CSGALNACT1: variants seen among roughly 807,000 people sequenced by gnomAD.
CSGALNACT1 encodes beta4GalNAcT-1.
A neutral mutation model predicts 51.0 loss-of-function variants in CSGALNACT1; 52 were observed. The observed-to-expected ratio is 1.02, with a 90% CI of 0.82 to 1.29. The LOEUF (loss-of-function observed/expected upper bound fraction) is 1.29, where lower values mean the gene tolerates loss of function less well. Ranked by LOEUF, CSGALNACT1 falls within the 50% of genes most tolerant of loss-of-function variation. The pLI is 0.00. For missense variants in CSGALNACT1, 935 were observed against 679.2 expected, an observed-to-expected ratio of 1.38 and a Z score of -4.19; for synonymous variants, 341 against 254.4, an observed-to-expected ratio of 1.34 and a Z score of -3.24.
intron 3 of CSGALNACT1, among the ~76,000 whole-genome samples, chr8:19,583,214 GA>G (rs2045951601): frequency 6.6e-6 from 1 of 151,874 alleles, no homozygotes; most frequent in African/African-American, 2.4e-5. Context: ...TCATGTAGAA[GA>G]CAAAAAGTAG....
At chr8:19,717,520 G>A (rs991341087) in intron 1 of CSGALNACT1, among the ~76,000 whole-genome samples, 1 of 152,160 alleles carries the variant, frequency 6.6e-6, no homozygotes, top group African/African-American at 2.4e-5. Context: ...CAAATGCAAT[G>A]AGTCATGTAT....
chr8:19,479,956 G>C (rs760476201), intron 4 of CSGALNACT1, among the ~76,000 whole-genome samples: 1 of 152,160 alleles, frequency 6.6e-6, no homozygotes, highest in Non-Finnish European at 1.5e-5. Context: ...TGGGATGACA[G>C]ATACCTCTTT....
At chr8:19,462,059 G>A (rs1279542572) in intron 4 of CSGALNACT1, among the ~76,000 whole-genome samples, 7 of 151,894 alleles carry the variant, frequency 4.6e-5, no homozygotes, top group African/African-American at 1.7e-4. Flanking sequence ...TCTGCACAGC[G>A]GCCACATTCA....
chr8:19,451,973 A>C (rs1167677937), intron 5 of CSGALNACT1, among the ~76,000 whole-genome samples: 1 of 152,234 alleles, frequency 6.6e-6, no homozygotes, highest in Non-Finnish European at 1.5e-5. Flanking sequence ...AAGGTGATGC[A>C]TGGGAAGGAT....
At chr8:19,623,347 G>T (rs1404954120) in intron 1 of CSGALNACT1, among the ~76,000 whole-genome samples, 4 of 152,128 alleles carry the variant, frequency 2.6e-5, no homozygotes, top group Non-Finnish European at 5.9e-5. Context: ...GTTCACAGAG[G>T]AAACAGGAAA....
At position 19,405,971 on chromosome 8, in the gene CSGALNACT1, G is replaced by A. The variant is rs781730594; in HGVS notation, c.1408C>T (p.Arg470Ter). Residue 470 changes from arginine (R) to a stop codon, truncating the protein, a stop_gained, in exon 10 of 10, where the codon CGA becomes TGA. Coordinates refer to ENST00000454498, the Ensembl canonical transcript of CSGALNACT1. LOFTEE classifies it high-confidence loss of function. ...TCATGCCAGAGGTGGAAGAGTCCTC[G>A]CACAGGCGTCCGTACCACTATGAGG... is the stretch of plus-strand genomic sequence containing the variant. 1.2e-5 allele frequency: 20 copies of A among 1,614,024 alleles called. No individual in the cohort carries two copies. The East Asian group carries it at 1.6e-4, about 13-fold the overall frequency.
At chr8:19,642,580 G>C (rs1354059678) in intron 1 of CSGALNACT1, among the ~76,000 whole-genome samples, 1 of 151,924 alleles carries the variant, frequency 6.6e-6, no homozygotes, top group South Asian at 2.1e-4. Flanking sequence ...AGACCAGCCT[G>C]GGCAAAAAGG....
intron 1 of CSGALNACT1, among the ~76,000 whole-genome samples, chr8:19,632,602 G>A (rs79851146): frequency 0.022 from 3,283 of 152,268 alleles, 128 homozygotes; most frequent in African/African-American, 0.075. Context: ...AGCGATCACT[G>A]CAGCCATCCC....
At chr8:19,746,063 G>C (rs926917034) in intron 1 of CSGALNACT1, among the ~76,000 whole-genome samples, 1 of 152,116 alleles carries the variant, frequency 6.6e-6, no homozygotes, top group Admixed American at 6.6e-5. Flanking sequence ...TTCTGAGAAA[G>C]GAACTCAGAT....
intron 3 of CSGALNACT1, among the ~76,000 whole-genome samples, chr8:19,531,333 C>T (rs1200607961): frequency 1.3e-5 from 2 of 152,154 alleles, no homozygotes; most frequent in Non-Finnish European, 2.9e-5. Context: ...CAATGTAAGT[C>T]AAATGGGATG....
intron 1 of CSGALNACT1, among the ~76,000 whole-genome samples, chr8:19,620,045 G>A (rs144719112): frequency 1.3e-5 from 2 of 152,240 alleles, no homozygotes; most frequent in African/African-American, 4.8e-5. Context: ...GGGCATAGTG[G>A]CTCACACCTG....
At chr8:19,524,922 C>CAG (rs1017870374) in intron 3 of CSGALNACT1, among the ~76,000 whole-genome samples, 4 of 151,976 alleles carry the variant, frequency 2.6e-5, no homozygotes, top group East Asian at 1.9e-4. Flanking sequence ...AAGAGAGACA[C>CAG]AGAGAGAGAG....
At chr8:19,680,514 C>T (rs1273992978) in intron 1 of CSGALNACT1, among the ~76,000 whole-genome samples, 2 of 150,110 alleles carry the variant, frequency 1.3e-5, no homozygotes, top group Non-Finnish European at 3.0e-5. Context: ...AGAGATCACA[C>T]CACTGCACTC....
At chr8:19,705,147 A>G (rs1359278995) in intron 1 of CSGALNACT1, among the ~76,000 whole-genome samples, 1 of 152,248 alleles carries the variant, frequency 6.6e-6, no homozygotes, top group Non-Finnish European at 1.5e-5. Context: ...TTCACAACAT[A>G]TACCAAAGCA....
intron 8 of CSGALNACT1, among the ~76,000 whole-genome samples, chr8:19,416,399 C>T (rs1390472920): frequency 6.6e-6 from 1 of 152,046 alleles, no homozygotes; most frequent in Non-Finnish European, 1.5e-5. Flanking sequence ...AGGTGTGGGC[C>T]ACCACACCCG....
rs1364493371 is a variant in CSGALNACT1, at chr8:19,586,421, AAAG to A, written c.-297+4736_-297+4738del. The stretch of plus-strand genomic sequence containing the variant: ...GTAGTCTTATAGAAAAAAAAAAAAA[AAAG>A]AAGAAGAAGAACTTAGACAACTCTT... On this transcript the variant is annotated intron_variant, in intron 3 of 9. Transcript: ENST00000454498. Among the ~76,000 whole-genome samples the A allele has an allele frequency of 2.1e-3, 318 of 151,110 alleles. 2 individuals are homozygous for A. The highest frequency in any genetic ancestry group is 0.01 in the South Asian group (49 of 4,814).
At chr8:19,531,969 G>C (rs1217480625) in intron 3 of CSGALNACT1, 2 of 152,018 alleles carry the variant, frequency 1.3e-5, no homozygotes, top group Non-Finnish European at 2.9e-5. Flanking sequence ...AGAGGAGCCT[G>C]GCCCTTCTGA....
chr8:19,739,299 C>G (rs773305847), intron 1 of CSGALNACT1, among the ~76,000 whole-genome samples: 63 of 151,912 alleles, frequency 4.1e-4, no homozygotes, highest in Non-Finnish European at 8.2e-4. Context: ...GACATTGACT[C>G]TAAAGAAGAT....
intron 3 of CSGALNACT1, among the ~76,000 whole-genome samples, chr8:19,551,111 G>A (rs1471488111): frequency 5.9e-5 from 9 of 152,056 alleles, no homozygotes; most frequent in Non-Finnish European, 1.2e-4. Flanking sequence ...AATTTCAAGA[G>A]TTTGTTTTGC....
Sources: gnomAD v4.1 joint callset for allele counts (sites outside exome capture counted in the v4.1 genomes callset) on GRCh38, gnomAD v4.1.1 for gene constraint, MANE v1.5 for transcripts, NCBI Gene and HGNC (gene_info 2026-07-23, HGNC 2026-07-21) for gene names.